TP63: variants seen among roughly 807,000 people sequenced by gnomAD.
TP63 encodes the protein tumor protein 63.
TP63 carries 17 observed loss-of-function variants against 82.8 expected under a neutral mutation model. The observed-to-expected ratio is 0.21, with a 90% CI of 0.14 to 0.31. The LOEUF (loss-of-function observed/expected upper bound fraction) is 0.31, where lower values mean the gene tolerates loss of function less well. TP63 is among the 10% of genes least tolerant of loss of function. The probability of loss-of-function intolerance (pLI) is 1.00; values close to 1 mark genes in which losing one functional copy is unlikely to be tolerated. For synonymous variants in TP63, 330 were observed against 321.7 expected (o/e 1.03, Z -0.28); for missense variants, 648 against 895.3 (o/e 0.72, Z 3.52).
At chr3:189,871,970 A>G (rs1036361919) in intron 9 of TP63, among the ~76,000 whole-genome samples, 2 of 152,016 alleles carry the variant, frequency 1.3e-5, no homozygotes, top group African/African-American at 4.8e-5. Context: ...TCCCTCCCAA[A>G]TTGCCGGGAT....
At chr3:189,880,067 C>G in intron 10 of TP63, 4 of 1,613,802 alleles carry the variant, frequency 2.5e-6, no homozygotes, top group Non-Finnish European at 3.4e-6. Context: ...TCTGCAGTCT[C>G]CTTTCAGCCT....
At chr3:189,654,045 A>G (rs1713116335) in intron 1 of TP63, among the ~76,000 whole-genome samples, 1 of 152,146 alleles carries the variant, frequency 6.6e-6, no homozygotes, top group African/African-American at 2.4e-5. Flanking sequence ...CTCTTCATGC[A>G]TTTATGTTAT....
At chr3:189,821,507 G>C (rs1728790157) in intron 4 of TP63, among the ~76,000 whole-genome samples, 1 of 152,214 alleles carries the variant, frequency 6.6e-6, no homozygotes, top group South Asian at 2.1e-4. Flanking sequence ...GGATGCTTCA[G>C]AACAACAAGG....
intron 1 of TP63, among the ~76,000 whole-genome samples, chr3:189,672,254 T>C (rs1396749204): frequency 6.6e-6 from 1 of 151,998 alleles, no homozygotes; most frequent in African/African-American, 2.4e-5. Flanking sequence ...GCTTTAAATA[T>C]CCATATTAGG....
chr3:189,826,381 G>A (rs796266287), intron 4 of TP63, among the ~76,000 whole-genome samples: 6 of 152,230 alleles, frequency 3.9e-5, no homozygotes, highest in African/African-American at 1.4e-4. Context: ...ATGATTTTAT[G>A]GACACCGTGA....
intron 1 of TP63, among the ~76,000 whole-genome samples, chr3:189,722,384 C>CTGTA (rs1719457301): frequency 6.6e-6 from 1 of 152,200 alleles, no homozygotes; most frequent in Admixed American, 6.5e-5. Context: ...AATCCTTGGG[C>CTGTA]TGTAGTTCAT....
chr3:189,596,927 A>G, the TP63 span, among the ~76,000 whole-genome samples: 2 of 152,124 alleles, frequency 1.3e-5, no homozygotes, highest in African/African-American at 4.8e-5. Context: ...GGAGGAACGA[A>G]CAACTCCAGA....
At chr3:189,759,131 T>C (rs1577361273) in intron 3 of TP63, among the ~76,000 whole-genome samples, 1 of 152,210 alleles carries the variant, frequency 6.6e-6, no homozygotes, top group Admixed American at 6.5e-5. Flanking sequence ...AACTCCTATA[T>C]AGTTTAATTC....
At chr3:189,723,341 C>T (rs188500971) in intron 1 of TP63, among the ~76,000 whole-genome samples, 28 of 152,250 alleles carry the variant, frequency 1.8e-4, no homozygotes, top group Non-Finnish European at 3.2e-4. Flanking sequence ...TCCCGGTTAC[C>T]ATGTGAGTTT....
chr3:189,826,297 G>A (rs1443779109), intron 4 of TP63, among the ~76,000 whole-genome samples: 1 of 152,158 alleles, frequency 6.6e-6, no homozygotes, highest in Non-Finnish European at 1.5e-5. Context: ...TATATTTGAT[G>A]AGCTTCTTGG....
intron 4 of TP63, among the ~76,000 whole-genome samples, chr3:189,814,842 C>T (rs1727985867): frequency 6.6e-6 from 1 of 152,218 alleles, no homozygotes; most frequent in Non-Finnish European, 1.5e-5. Context: ...TAATCTAAGG[C>T]TTATCAGCCT....
At chr3:189,730,168 C>A (rs1174374650) in intron 1 of TP63, among the ~76,000 whole-genome samples, 2 of 152,072 alleles carry the variant, frequency 1.3e-5, no homozygotes, top group Non-Finnish European at 2.9e-5. Context: ...TCACTTTTAT[C>A]TAAGGGTTGA....
At chr3:189,676,824 C>A (rs28887633) in intron 1 of TP63, among the ~76,000 whole-genome samples, 3,982 of 151,982 alleles carry the variant, frequency 0.026, 73 homozygotes, top group Middle Eastern at 0.058. Flanking sequence ...TAATTCCTGA[C>A]GATCTGAGGT....
chr3:189,671,287 G>T (rs3954248), intron 1 of TP63, among the ~76,000 whole-genome samples: 57,449 of 151,736 alleles, frequency 0.38, 11,391 homozygotes, highest in Non-Finnish European at 0.43. Flanking sequence ...AGAAAAAATG[G>T]TCAACATCAC....
chr3:189,656,342 G>C (rs890328494), intron 1 of TP63, among the ~76,000 whole-genome samples: 1 of 152,082 alleles, frequency 6.6e-6, no homozygotes, highest in Admixed American at 6.6e-5. Context: ...ATCACTAAAA[G>C]AATGTTTAAT....
intron 1 of TP63, among the ~76,000 whole-genome samples, chr3:189,731,096 G>A (rs554510878): frequency 9.2e-5 from 14 of 152,164 alleles, no homozygotes; most frequent in African/African-American, 1.9e-4. Flanking sequence ...TAATCCCAGC[G>A]CTCTGGGAAG....
intron 4 of TP63, chr3:189,829,996 G>A: frequency 7.3e-6 from 2 of 273,712 alleles, no homozygotes; most frequent in South Asian, 3.3e-5. Flanking sequence ...CATCGGATGA[G>A]CTGTGTCTGG....
chr3:189,818,109 A>G (rs1728394190), intron 4 of TP63, among the ~76,000 whole-genome samples: 1 of 151,760 alleles, frequency 6.6e-6, no homozygotes, highest in Non-Finnish European at 1.5e-5. Context: ...CTGTGTGTTC[A>G]TTTGAGATTT....
rs115623993 is a variant in TP63, at chr3:189,819,678, A to G, written c.579+11152A>G. On this transcript the variant is annotated intron_variant, in intron 4 of 13. Coordinates refer to ENST00000264731, the MANE Select transcript of TP63 (RefSeq NM_003722.5). The stretch of plus-strand genomic sequence containing the variant: ...AATTGTCAACATCCAAGAGTTACCA[A>G]AAGATACTTCATTCTTTAGATTTTT... 2.0e-3 allele frequency among the ~76,000 whole-genome samples: 304 copies of G among 152,254 alleles called. 1 individual carries two copies. The highest frequency in any genetic ancestry group is 7.0e-3 in the African/African-American group (292 of 41,544).
Sources: allele counts gnomAD v4.1 joint callset (sites outside exome capture counted in the v4.1 genomes callset), GRCh38; gene constraint gnomAD v4.1.1; transcripts MANE v1.5; gene names NCBI Gene and HGNC (gene_info 2026-07-23, HGNC 2026-07-21).